Variants in TNKS2 observed in about 807,000 individuals in gnomAD.
The protein encoded by TNKS2 is tankyrase 2.
A neutral mutation model predicts 137.6 loss-of-function variants in TNKS2; 72 were observed. The ratio of observed to expected loss-of-function variants is 0.52; its 90% CI spans 0.43 to 0.64. The LOEUF (loss-of-function observed/expected upper bound fraction) is 0.64. Ranked by LOEUF, TNKS2 falls within the 30% of genes least tolerant of loss-of-function variation. TNKS2 has a pLI of 0.00. For synonymous variants in TNKS2, 516 were observed against 512.1 expected, an observed-to-expected ratio of 1.01 and a Z score of -0.10; for missense variants, 1,049 against 1,410.2, an observed-to-expected ratio of 0.74 and a Z score of 4.10.
intron 24 of TNKS2, 91 bp downstream of exon 24, chr10:91,857,621 C>A: frequency 1.6e-6 from 1 of 633,234 alleles, no homozygotes; most frequent in Non-Finnish European, 2.5e-6. Context: ...CCTGTATATT[C>A]TTTATGTCAG....
Position 91,848,507 on chromosome 10 carries a change from G to A in TNKS2, c.2483G>A (p.Gly828Asp). Residue 828 changes from glycine (G) to aspartate (D), a missense_variant, in exon 19 of 27, where the codon GGT becomes GAT. By Grantham distance (94) the Gly-to-Asp change is moderately conservative (BLOSUM62 -1). Transcript: ENST00000371627. ...PGATADALSS[G>D]PSSPSSLSAA... ...GCCACTGCAGATGCTCTCTCTTCAG[G>A]TCCATCTAGCCCATCAAGCCTTTCT... 1 of 1,614,044 alleles carries A rather than the reference G, an allele frequency of 6.2e-7. No individual in the cohort carries two copies. Among genetic ancestry groups the A allele is most frequent in the South Asian group, 1.1e-5 (1 of 91,078 alleles).
intron 1 of TNKS2, among the ~76,000 whole-genome samples, chr10:91,809,347 CT>C (rs1382256984): frequency 1.3e-5 from 2 of 152,184 alleles, no homozygotes; most frequent in Admixed American, 1.3e-4. Context: ...GTATACTATC[CT>C]AACCAAATCA....
intron 13 of TNKS2, among the ~76,000 whole-genome samples, chr10:91,840,355 C>CA (rs1389441612): frequency 5.4e-5 from 8 of 148,396 alleles, no homozygotes; most frequent in Non-Finnish European, 7.5e-5. Flanking sequence ...AATAATAAGA[C>CA]AAAAAAAAAG....
intron 6 of TNKS2, among the ~76,000 whole-genome samples, chr10:91,820,322 A>G (rs1041659245): frequency 1.3e-5 from 2 of 152,162 alleles, no homozygotes; most frequent in Non-Finnish European, 1.5e-5. Context: ...AGTTCCCAGG[A>G]AGGAACTCTC....
chr10:91,833,551 A>G (rs1841889996), intron 11 of TNKS2, among the ~76,000 whole-genome samples: 2 of 152,236 alleles, frequency 1.3e-5, no homozygotes, highest in Non-Finnish European at 2.9e-5. Flanking sequence ...CCATAAAAAT[A>G]GATGAGTTCA....
At chr10:91,820,661 A>T (rs939058735) in intron 6 of TNKS2, among the ~76,000 whole-genome samples, 2 of 152,242 alleles carry the variant, frequency 1.3e-5, no homozygotes, top group Non-Finnish European at 2.9e-5. Context: ...GGGGATGATT[A>T]TTCTAAAAGA....
chr10:91,849,307 ATGAGAGTAC>A (rs1842472662), intron 19 of TNKS2, among the ~76,000 whole-genome samples, 196 bp from the exon 20 acceptor site: 1 of 152,254 alleles, frequency 6.6e-6, no homozygotes, highest in African/African-American at 2.4e-5. Flanking sequence ...TAAAATAAAA[ATGAGAGTAC>A]TGAGACTGCC....
chr10:91,830,497 C>T (rs1228664251), intron 9 of TNKS2, among the ~76,000 whole-genome samples: 2 of 152,214 alleles, frequency 1.3e-5, no homozygotes, highest in Non-Finnish European at 2.9e-5. Context: ...GGATTACAGG[C>T]CTGAGCCACT....
At chr10:91,849,390 TAA>T in intron 19 of TNKS2, 120 bp from the exon 20 acceptor site, 1 of 691,446 alleles carries the variant, frequency 1.4e-6, no homozygotes, top group Non-Finnish European at 2.3e-6. Flanking sequence ...TATTATATCC[TAA>T]GTGGCTATTA....
intron 12 of TNKS2, among the ~76,000 whole-genome samples, chr10:91,835,469 T>G (rs1490544972): frequency 6.6e-6 from 1 of 151,694 alleles, no homozygotes; most frequent in Non-Finnish European, 1.5e-5. Context: ...TTCTGTATTT[T>G]TAGTAGAGAC....
At chr10:91,831,270 T>G in intron 11 of TNKS2, 89 bp downstream of exon 11, 2 of 1,162,124 alleles carry the variant, frequency 1.7e-6, no homozygotes, top group Non-Finnish European at 2.5e-6. Context: ...ACTATTTACT[T>G]TCTCATAAGT....
chr10:91,855,701 T>G lies in TNKS2; in HGVS notation c.2988+13T>G. On this transcript the variant is annotated intron_variant, in intron 23 of 26. Coordinates refer to ENST00000371627, the MANE Select transcript of TNKS2 (RefSeq NM_025235.4). ...CAATATTCTCAAGGTAATAAATTAG[T>G]GAAAGTAAAGTTTTCTGAGACTGTC... 1 of 1,599,118 alleles carries G rather than the reference T, an allele frequency of 6.3e-7. No homozygotes were observed. The highest frequency in any genetic ancestry group is 8.5e-7 in the Non-Finnish European group (1 of 1,170,098).
chr10:91,813,340 A>C (rs1844569576), intron 2 of TNKS2, 133 bp downstream of exon 2: 1 of 842,316 alleles, frequency 1.2e-6, no homozygotes, highest in African/African-American at 1.7e-5. Flanking sequence ...GATTTAATCT[A>C]ACTACTATTT....
intron 1 of TNKS2, among the ~76,000 whole-genome samples, chr10:91,804,558 A>G (rs2066275): frequency 0.33 from 49,759 of 152,048 alleles, 8,643 homozygotes; most frequent in South Asian, 0.53. Context: ...TCCTTAGAAT[A>G]TGGAGATTTA....
In TNKS2 at chr10:91,820,007, A is replaced by C. The variant is rs1303739396; in HGVS notation, c.702A>C (p.Gly234=). 1 of 1,591,832 alleles carries C rather than the reference A, an allele frequency of 6.3e-7. No individual in the cohort carries two copies. Among genetic ancestry groups the C allele is most frequent in the Non-Finnish European group, 8.6e-7 (1 of 1,169,418 alleles). Residue 234 remains glycine (G), a synonymous_variant, in exon 6 of 27, where the codon GGA becomes GGC. Transcript: ENST00000371627. The part of the protein sequence containing the change: ...VKIVQLLLQH[G]ADVHAKDKGD... ...TTGTACAGCTGTTACTGCAACATGG[A>C]GCTGATGTCCATGCTAAAGATAAAG...
At chr10:91,858,820 C>CCAAT (rs1268859865) in intron 24 of TNKS2, among the ~76,000 whole-genome samples, 1 of 152,090 alleles carries the variant, frequency 6.6e-6, no homozygotes, top group African/African-American at 2.4e-5. Flanking sequence ...ACCAGCCTGA[C>CCAAT]CAATATGTTG....
chr10:91,830,903 C>A lies in TNKS2; in HGVS notation c.1105-20C>A, dbSNP rs1191690291. On this transcript the variant is annotated intron_variant, in intron 9 of 26. Coordinates refer to ENST00000371627, the MANE Select transcript of TNKS2 (RefSeq NM_025235.4). Reference sequence around the variant, plus strand: ...AGTTATGTATAGTCCTTGATTAATGCTGCAATTTAAATTATTTAGCATTGT... The same window carrying A: ...AGTTATGTATAGTCCTTGATTAATGATGCAATTTAAATTATTTAGCATTGT... 1.3e-6 allele frequency: 2 copies of A among 1,573,360 alleles called. No homozygotes were observed. The highest frequency in any genetic ancestry group is 1.1e-5 in the South Asian group (1 of 87,688).
In TNKS2 at chr10:91,863,999, CA is replaced by C. The variant is rs1842917198; in HGVS notation, c.*1003del. The C allele has an allele frequency of 6.6e-6, 1 of 151,980 alleles. No homozygotes were observed. Among genetic ancestry groups the C allele is most frequent in the Non-Finnish European group, 1.5e-5 (1 of 67,982 alleles). The allele number at this position is 151,980 out of a possible 1,614,324, so 9.4% of individuals were successfully genotyped here. On this transcript the variant is annotated 3_prime_UTR_variant, in exon 27 of 27. Transcript: ENST00000371627. Reference sequence around the variant, plus strand: ...AATCTAAAGGGGAAAAAAAAAATCACAAACAGGACTGGGTAGTTTTTTATCC... The same window carrying C: ...AATCTAAAGGGGAAAAAAAAAATCACAACAGGACTGGGTAGTTTTTTATCC...
intron 21 of TNKS2, among the ~76,000 whole-genome samples, chr10:91,854,135 TGG>T (rs200512701): frequency 1.5e-4 from 15 of 102,044 alleles, no homozygotes; most frequent in African/African-American, 5.1e-4. Flanking sequence ...TGGTAAACTG[TGG>T]ATTTCTCATT....
Sources: gnomAD v4.1 joint callset for allele counts (sites outside exome capture counted in the v4.1 genomes callset) on GRCh38, gnomAD v4.1.1 for gene constraint, MANE v1.5 for transcripts, NCBI Gene and HGNC (gene_info 2026-07-23, HGNC 2026-07-21) for gene names.